C8orf34: variants seen among roughly 807,000 people sequenced by gnomAD.
C8orf34 encodes uncharacterized protein C8orf34.
C8orf34 carries 65 observed loss-of-function variants against 68.3 expected under a neutral mutation model. The observed-to-expected ratio is 0.95, with a 90% CI of 0.78 to 1.17. The LOEUF (loss-of-function observed/expected upper bound fraction) is 1.17, where lower values mean the gene tolerates loss of function less well. Ranked by LOEUF, C8orf34 falls within the 50% of genes most tolerant of loss-of-function variation. The pLI is 0.00. For synonymous variants in C8orf34, 244 were observed against 241.2 expected, an observed-to-expected ratio of 1.01 and a Z score of -0.11; for missense variants, 664 against 655.4, an observed-to-expected ratio of 1.01 and a Z score of -0.14.
At chr8:68,498,575 A>G (rs1422221174) in intron 5 of C8orf34, among the ~76,000 whole-genome samples, 2 of 152,166 alleles carry the variant, frequency 1.3e-5, no homozygotes, top group Non-Finnish European at 2.9e-5. Context: ...GATAGTGCTG[A>G]TATAATTATA....
At chr8:68,504,914 G>A (rs1259753943) in intron 5 of C8orf34, among the ~76,000 whole-genome samples, 1 of 151,696 alleles carries the variant, frequency 6.6e-6, no homozygotes. Context: ...CCTGACCTCA[G>A]GTGATCCACC....
At chr8:68,812,504 C>A (rs1446143120) in intron 12 of C8orf34, among the ~76,000 whole-genome samples, 1 of 152,030 alleles carries the variant, frequency 6.6e-6, no homozygotes, top group Non-Finnish European at 1.5e-5. Flanking sequence ...CATATTAGGA[C>A]ACATAGGATT....
intron 11 of C8orf34, among the ~76,000 whole-genome samples, chr8:68,783,021 A>G (rs1475455906): frequency 6.6e-6 from 1 of 150,570 alleles, no homozygotes; most frequent in Admixed American, 6.6e-5. Context: ...GCAGTGTGCC[A>G]TGTTTGTGTC....
chr8:68,542,614 C>G (rs1215627471), intron 7 of C8orf34, among the ~76,000 whole-genome samples: 2 of 152,068 alleles, frequency 1.3e-5, no homozygotes, highest in African/African-American at 4.8e-5. Flanking sequence ...AAGGGCCAAG[C>G]AAGTTCTGTG....
At chr8:68,337,744 A>T (rs2129617882) in intron 1 of C8orf34, among the ~76,000 whole-genome samples, 1 of 152,310 alleles carries the variant, frequency 6.6e-6, no homozygotes, top group Non-Finnish European at 1.5e-5. Flanking sequence ...TGTAGTTCAG[A>T]ATTTCATCAA....
chr8:68,376,166 C>A (rs1807785293), intron 1 of C8orf34, among the ~76,000 whole-genome samples: 1 of 97,448 alleles, frequency 1.0e-5, no homozygotes, highest in South Asian at 2.9e-4. Flanking sequence ...AATCATATGG[C>A]CTGTCAGAAA....
chr8:68,713,694 C>A (rs914081028), intron 9 of C8orf34, among the ~76,000 whole-genome samples: 1 of 152,020 alleles, frequency 6.6e-6, no homozygotes, highest in Non-Finnish European at 1.5e-5. Context: ...AGTTAGGGGC[C>A]AGATGAATCC....
chr8:68,724,859 T>G (rs1409954761), intron 10 of C8orf34, among the ~76,000 whole-genome samples: 1 of 152,162 alleles, frequency 6.6e-6, no homozygotes, highest in African/African-American at 2.4e-5. Context: ...TCTATGGCTT[T>G]CTTATTTTTT....
chr8:68,725,537 T>G (rs1821805077), intron 10 of C8orf34, among the ~76,000 whole-genome samples: 1 of 152,242 alleles, frequency 6.6e-6, no homozygotes, highest in South Asian at 2.1e-4. Flanking sequence ...TATCACATAT[T>G]TGTACAGCAC....
At chr8:68,608,218 A>G (rs1157726676) in intron 7 of C8orf34, among the ~76,000 whole-genome samples, 1 of 152,124 alleles carries the variant, frequency 6.6e-6, no homozygotes, top group African/African-American at 2.4e-5. Flanking sequence ...TACCATGTGA[A>G]AGAAATGAGT....
chr8:68,376,364 G>A (rs771531101), intron 1 of C8orf34, among the ~76,000 whole-genome samples: 51 of 152,136 alleles, frequency 3.4e-4, no homozygotes, highest in Non-Finnish European at 6.2e-4. Flanking sequence ...AATGATGGAA[G>A]CTGAGCACAG....
chr8:68,809,603 A>G (rs908015629), intron 12 of C8orf34, among the ~76,000 whole-genome samples: 5 of 152,188 alleles, frequency 3.3e-5, no homozygotes, highest in African/African-American at 1.2e-4. Flanking sequence ...ACTCCAAAAC[A>G]AAAAAGAACC....
chr8:68,548,068 A>T (rs1232681812), intron 7 of C8orf34, among the ~76,000 whole-genome samples: 1 of 151,838 alleles, frequency 6.6e-6, no homozygotes, highest in Non-Finnish European at 1.5e-5. Context: ...TAGCCCAAAC[A>T]TAAAAGCAGA....
intron 1 of C8orf34, among the ~76,000 whole-genome samples, chr8:68,350,921 C>G (rs1806485295): frequency 1.3e-5 from 2 of 151,936 alleles, no homozygotes; most frequent in Non-Finnish European, 2.9e-5. Flanking sequence ...CAGTTTGCCA[C>G]TCTATGCCTT....
At chr8:68,464,766 G>A (rs974692375) in intron 3 of C8orf34, among the ~76,000 whole-genome samples, 4 of 151,480 alleles carry the variant, frequency 2.6e-5, no homozygotes, top group African/African-American at 9.7e-5. Context: ...GCTGAAACTG[G>A]ATCCCTTCCT....
chr8:68,741,780 A>C (rs1232737185), intron 10 of C8orf34, among the ~76,000 whole-genome samples: 1 of 152,200 alleles, frequency 6.6e-6, no homozygotes, highest in Non-Finnish European at 1.5e-5. Context: ...AGATCCATCC[A>C]TGTTGTTGTA....
chr8:68,790,832 C>G (rs1183546501), intron 12 of C8orf34: 1 of 701,318 alleles, frequency 1.4e-6, no homozygotes, highest in East Asian at 2.7e-5. Context: ...AAATCAGAAT[C>G]TCTGTGGCTG....
intron 1 of C8orf34, among the ~76,000 whole-genome samples, chr8:68,345,757 A>AT (rs1180869985): frequency 1.3e-5 from 2 of 149,596 alleles, no homozygotes; most frequent in Non-Finnish European, 2.9e-5. Context: ...GTATATATAT[A>AT]TTTTTTGTGT....
intron 8 of C8orf34, among the ~76,000 whole-genome samples, chr8:68,641,488 C>T (rs923337192): frequency 1.3e-5 from 2 of 152,176 alleles, no homozygotes; most frequent in African/African-American, 2.4e-5. Flanking sequence ...TTGCTTCAGA[C>T]AAGTAATATT....
Sources: gnomAD v4.1 joint callset for allele counts (sites outside exome capture counted in the v4.1 genomes callset) on GRCh38, gnomAD v4.1.1 for gene constraint, MANE v1.5 for transcripts, NCBI Gene and HGNC (gene_info 2026-07-23, HGNC 2026-07-21) for gene names.